The following FAM169A variants were observed in gnomAD, a reference collection of about 807,000 sequenced individuals.
The protein encoded by FAM169A is soluble lamin-associated protein of 75 kDa.
A neutral mutation model predicts 75.7 loss-of-function variants in FAM169A; 24 were observed. The ratio of observed to expected loss-of-function variants is 0.32; its 90% confidence interval spans 0.23 to 0.45. FAM169A has a LOEUF of 0.45. FAM169A is among the 20% of genes least tolerant of loss of function. The pLI is 1.00. For missense variants in FAM169A, 673 were observed against 784.0 expected, an observed-to-expected ratio of 0.86 and a Z score of 1.69; for synonymous variants, 271 against 271.0, an observed-to-expected ratio of 1.00 and a Z score of 0.00.
At chr5:74,849,814 A>G (rs1361299808) in intron 1 of FAM169A, among the ~76,000 whole-genome samples, 1 of 152,140 alleles carries the variant, frequency 6.6e-6, no homozygotes, top group Non-Finnish European at 1.5e-5. Flanking sequence ...TTTTTCTACT[A>G]TGAGAGCCGA....
At chr5:74,818,793 C>CTATATA (rs1274131514) in intron 5 of FAM169A, among the ~76,000 whole-genome samples, 13 of 139,486 alleles carry the variant, frequency 9.3e-5, no homozygotes, top group South Asian at 2.3e-4. Context: ...CTCTCTCTCT[C>CTATATA]TCTCTCTCTC....
At chr5:74,854,021 C>T (rs1749581517) in intron 1 of FAM169A, among the ~76,000 whole-genome samples, 1 of 151,322 alleles carries the variant, frequency 6.6e-6, no homozygotes, top group East Asian at 1.9e-4. Flanking sequence ...TTTGTGGGTA[C>T]CTAGCAGTGT....
chr5:74,805,976 C>CAAAAA (rs370761667), intron 6 of FAM169A, among the ~76,000 whole-genome samples: 29 of 85,230 alleles, frequency 3.4e-4, no homozygotes, highest in Non-Finnish European at 5.4e-4. Flanking sequence ...TTAAAAGCTC[C>CAAAAA]AAAAAAAAAA....
intron 1 of FAM169A, among the ~76,000 whole-genome samples, chr5:74,849,087 C>T (rs776236437): frequency 2.0e-5 from 3 of 152,118 alleles, no homozygotes; most frequent in Non-Finnish European, 4.4e-5. Flanking sequence ...AGTGTCCAAA[C>T]TAATTTACAA....
At chr5:74,831,839 A>T (rs1162411196) in intron 5 of FAM169A, among the ~76,000 whole-genome samples, 1 of 152,152 alleles carries the variant, frequency 6.6e-6, no homozygotes, top group Non-Finnish European at 1.5e-5. Flanking sequence ...ACCAGCCATC[A>T]TAACTAAAAA....
chr5:74,849,451 G>C (rs548984402), intron 1 of FAM169A, among the ~76,000 whole-genome samples: 2 of 151,818 alleles, frequency 1.3e-5, no homozygotes, highest in South Asian at 2.1e-4. Flanking sequence ...GTGGAGAGAG[G>C]CAGACCCAAA....
At chr5:74,861,354 C>T (rs1418381748) in intron 1 of FAM169A, among the ~76,000 whole-genome samples, 1 of 152,138 alleles carries the variant, frequency 6.6e-6, no homozygotes, top group African/African-American at 2.4e-5. Context: ...TCTCTATTAT[C>T]TGCCTAGATC....
intron 1 of FAM169A, among the ~76,000 whole-genome samples, chr5:74,853,760 T>C (rs1258910689): frequency 6.9e-6 from 1 of 145,926 alleles, no homozygotes; most frequent in Non-Finnish European, 1.5e-5. Flanking sequence ...CAGGCTGCAG[T>C]GCAGTGGCGC....
At position 74,834,636 on chromosome 5, in the gene FAM169A, T is replaced by C. The variant is rs754312677; in HGVS notation, c.319-39A>G. The C allele has an allele frequency of 2.3e-5, 33 of 1,407,694 alleles. No homozygotes were observed. The South Asian group carries it at 4.7e-4, about 20-fold the overall frequency. 87.2% of individuals were successfully genotyped at this position (1,407,694 alleles called of 1,614,324 possible). A position where few individuals can be genotyped will look rare whatever the true frequency, so the allele number is the denominator to read the frequency against. On this transcript the variant is annotated intron_variant, in intron 4 of 12. Coordinates refer to ENST00000687041, the MANE Select transcript of FAM169A (RefSeq NM_001376049.1). ...CAAACACCAGGCACAGCAGTTATAA[T>C]ATGCATCAATCACAAGATGCTATTT...
rs751227953 is a variant in FAM169A at position 74,783,120 on chromosome 5, C to T, written c.1275G>A (p.Glu425=). The T allele has an allele frequency of 6.2e-7, 1 of 1,611,828 alleles. No homozygotes were observed. The highest frequency in any genetic ancestry group is 1.1e-5 in the South Asian group (1 of 90,936). The change falls in exon 12 of 13, where the codon GAG becomes GAA. Residue 425 remains glutamate (E), a synonymous_variant. Coordinates refer to ENST00000687041, the MANE Select transcript of FAM169A (RefSeq NM_001376049.1). ...CGTCCATTATCTCACCATTCATAGGCTCTAATTCAGATTCCTACACCATGA... is the reference window on the plus strand; with the variant it reads ...CGTCCATTATCTCACCATTCATAGGTTCTAATTCAGATTCCTACACCATGA... The part of the protein sequence containing the change: ...KQDGEKESEL[E]PMNGEIMDDS...
chr5:74,833,951 A>G (rs1748445958), intron 5 of FAM169A, among the ~76,000 whole-genome samples: 1 of 152,232 alleles, frequency 6.6e-6, no homozygotes, highest in African/African-American at 2.4e-5. Context: ...TTTACTAAAT[A>G]TATTAAAGCA....
chr5:74,820,001 T>C, intron 5 of FAM169A, among the ~76,000 whole-genome samples: 1 of 149,306 alleles, frequency 6.7e-6, no homozygotes, highest in East Asian at 1.9e-4. Context: ...TCCTTTTTTT[T>C]TTTTTTTTTT....
chr5:74,797,075 C>T (rs2112512008), intron 10 of FAM169A, among the ~76,000 whole-genome samples: 1 of 152,304 alleles, frequency 6.6e-6, no homozygotes, highest in East Asian at 1.9e-4. Flanking sequence ...TTCTAATGCA[C>T]ATCATCTACA....
chr5:74,834,629 G>A, intron 4 of FAM169A, 32 bp from the exon 5 acceptor site: 1 of 1,457,478 alleles, frequency 6.9e-7, no homozygotes, highest in Non-Finnish European at 9.1e-7. Flanking sequence ...AGGCACAGCA[G>A]TTATAATATG....
At chr5:74,818,073 C>A (rs1214584172) in intron 5 of FAM169A, among the ~76,000 whole-genome samples, 1 of 152,096 alleles carries the variant, frequency 6.6e-6, no homozygotes, top group Non-Finnish European at 1.5e-5. Flanking sequence ...AACATAGGTG[C>A]AAGCCTTTGT....
intron 10 of FAM169A, chr5:74,799,515 A>G: frequency 1.3e-6 from 2 of 1,579,666 alleles, no homozygotes; most frequent in Non-Finnish European, 1.7e-6. Context: ...CCTACATTAA[A>G]GAAGTGGATG....
At chr5:74,857,569 C>T (rs998438488) in intron 1 of FAM169A, among the ~76,000 whole-genome samples, 3 of 56,384 alleles carry the variant, frequency 5.3e-5, no homozygotes, top group Non-Finnish European at 8.9e-5. Context: ...GACCTTGCCG[C>T]GGGAAAAAAA....
intron 11 of FAM169A, among the ~76,000 whole-genome samples, chr5:74,793,442 T>C (rs1238323380): frequency 6.6e-6 from 1 of 151,954 alleles, no homozygotes; most frequent in African/African-American, 2.4e-5. Context: ...TTATTCTAAG[T>C]GGAGTAACTC....
At chr5:74,792,031 A>G (rs1304425245) in intron 11 of FAM169A, among the ~76,000 whole-genome samples, 5 of 152,298 alleles carry the variant, frequency 3.3e-5, no homozygotes, top group East Asian at 1.9e-4. Flanking sequence ...TATTGACATC[A>G]TATCAGCATT....
Sources: allele counts gnomAD v4.1 joint callset (sites outside exome capture counted in the v4.1 genomes callset), GRCh38; gene constraint gnomAD v4.1.1; transcripts MANE v1.5; gene names NCBI Gene and HGNC (gene_info 2026-07-23, HGNC 2026-07-21).